The following PARG variants were observed in gnomAD, a reference collection of about 807,000 sequenced individuals.
PARG encodes poly(ADP-ribose) glycohydrolase.
PARG carries 35 observed loss-of-function variants against 113.0 expected under a neutral mutation model. That is an observed-to-expected ratio of 0.31 (90% CI 0.24 to 0.41). The LOEUF (loss-of-function observed/expected upper bound fraction) is 0.41. Ranked by LOEUF, PARG falls within the 10% of genes least tolerant of loss-of-function variation. The pLI, the probability that PARG is intolerant of heterozygous loss-of-function variation, is 1.00. For synonymous variants in PARG, 330 were observed against 409.9 expected, an observed-to-expected ratio of 0.81 and a Z score of 2.36; for missense variants, 797 against 1,169.4, an observed-to-expected ratio of 0.68 and a Z score of 4.64.
chr10:49,899,570 T>C (rs1399543911), intron 7 of PARG, among the ~76,000 whole-genome samples: 1 of 152,144 alleles, frequency 6.6e-6, no homozygotes, highest in Non-Finnish European at 1.5e-5. Flanking sequence ...TTTCAGGAAA[T>C]AGCCAGGTTA....
At chr10:49,926,353 G>A (rs373480796) in intron 4 of PARG, among the ~76,000 whole-genome samples, 164 of 151,068 alleles carry the variant, frequency 1.1e-3, no homozygotes, top group African/African-American at 3.2e-3. Flanking sequence ...AGAAGTAAAT[G>A]AGCCACCAGA....
intron 12 of PARG, among the ~76,000 whole-genome samples, chr10:49,859,775 A>G (rs1469742229): frequency 6.6e-6 from 1 of 152,246 alleles, no homozygotes; most frequent in Admixed American, 6.5e-5. Context: ...AGAAATAAAG[A>G]CACTAAACTC....
At chr10:49,890,719 A>G (rs2573522) in intron 7 of PARG, among the ~76,000 whole-genome samples, 1 of 152,326 alleles carries the variant, frequency 6.6e-6, no homozygotes, top group East Asian at 1.9e-4. Context: ...ACATCAAAAC[A>G]TTATAAATAT....
intron 3 of PARG, 33 bp downstream of exon 3, chr10:49,933,144 G>C (rs1486414208): frequency 1.4e-6 from 2 of 1,425,646 alleles, no homozygotes; most frequent in Admixed American, 3.9e-5. Context: ...AGCATATTAT[G>C]CTATTGGAGA....
chr10:49,896,489 T>C (rs1201655649), intron 7 of PARG, among the ~76,000 whole-genome samples: 11 of 152,224 alleles, frequency 7.2e-5, no homozygotes, highest in Admixed American at 5.2e-4. Context: ...TTTACTATGT[T>C]GGCCAGGCTG....
chr10:49,882,358 G>T (rs1847256722), intron 8 of PARG, among the ~76,000 whole-genome samples: 1 of 150,542 alleles, frequency 6.6e-6, no homozygotes, highest in African/African-American at 2.5e-5. Context: ...ACTTCAATGT[G>T]ATAAATTATT....
intron 4 of PARG, among the ~76,000 whole-genome samples, chr10:49,923,278 T>C (rs567794780): frequency 1.3e-5 from 2 of 152,298 alleles, no homozygotes; most frequent in Non-Finnish European, 2.9e-5. Context: ...ATGAAGTCTT[T>C]AGAAACTTCA....
At chr10:49,888,381 G>A (rs1412821196) in intron 7 of PARG, among the ~76,000 whole-genome samples, 17 of 151,700 alleles carry the variant, frequency 1.1e-4, no homozygotes, top group African/African-American at 3.6e-4. Context: ...TTCTGTTTCA[G>A]GAAATTTCTT....
chr10:49,900,674 G>T, intron 7 of PARG, among the ~76,000 whole-genome samples: 1 of 152,174 alleles, frequency 6.6e-6, no homozygotes, highest in Non-Finnish European at 1.5e-5. Context: ...TGCCTCCAAA[G>T]AATTTACTTC....
At chr10:49,823,061 G>A (rs1439375252) in intron 16 of PARG, among the ~76,000 whole-genome samples, 1 of 152,138 alleles carries the variant, frequency 6.6e-6, no homozygotes, top group Non-Finnish European at 1.5e-5. Flanking sequence ...TGAGAATATA[G>A]ATGAAAGAGT....
chr10:49,880,411 A>G (rs1847158162), intron 8 of PARG, among the ~76,000 whole-genome samples: 1 of 152,096 alleles, frequency 6.6e-6, no homozygotes, highest in Admixed American at 6.6e-5. Context: ...TTGTAAAAAG[A>G]TAAGACATTT....
intron 7 of PARG, among the ~76,000 whole-genome samples, chr10:49,913,149 G>A (rs1837291433): frequency 1.3e-5 from 2 of 152,156 alleles, no homozygotes; most frequent in South Asian, 2.1e-4. Flanking sequence ...CTGCAAGCGT[G>A]GGCAATGTTG....
intron 6 of PARG, among the ~76,000 whole-genome samples, chr10:49,920,587 CAT>C (rs1837801917): frequency 7.3e-6 from 1 of 136,476 alleles, no homozygotes; most frequent in African/African-American, 2.8e-5. Flanking sequence ...TATATATACA[CAT>C]ATATACATAT....
At position 49,933,500 on chromosome 10, in the gene PARG, T is replaced by C; in HGVS notation, c.948A>G (p.Ser316=). The part of the protein sequence containing the change: ...VDNSKNSCQD[S]EADEETSPGF... ...CTGGACTTGTCTCCTCATCTGCTTCTGAGTCTTGACAACTATTTTTAGAAT... is the reference window on the plus strand; with the variant it reads ...CTGGACTTGTCTCCTCATCTGCTTCCGAGTCTTGACAACTATTTTTAGAAT... Residue 316 remains serine (S), a synonymous_variant, in exon 3 of 18, where the codon TCA becomes TCG. Transcript: ENST00000616448. 1 of 1,610,420 alleles carries C rather than the reference T, an allele frequency of 6.2e-7. No individual in the cohort carries two copies. Among genetic ancestry groups the C allele is most frequent in the East Asian group, 2.2e-5 (1 of 44,868 alleles).
intron 4 of PARG, among the ~76,000 whole-genome samples, chr10:49,927,946 G>A (rs1343833456): frequency 4.7e-5 from 7 of 150,164 alleles, no homozygotes; most frequent in South Asian, 2.1e-4. Flanking sequence ...CCTGGGTGAC[G>A]GAGTGAGATC....
Position 49,933,768 on chromosome 10 carries a change from T to C in PARG, c.680A>G (p.Gln227Arg). ...CTGGTGGCTTTTGGCTTCTCTGGCC[T>C]GTTCATCTTCTGTAGTCTGCTTTGC... The part of the protein sequence containing the change: ...ANAKQTTEDE[Q>R]AREAKSHQKC... The change falls in exon 3 of 18, where the codon CAG (glutamine) becomes CGG (arginine). Residue 227 changes from glutamine to arginine, a missense_variant. Transcript: ENST00000616448. 1.9e-6 allele frequency: 3 copies of C among 1,613,576 alleles called. No individual in the cohort carries two copies. Among genetic ancestry groups the C allele is most frequent in the Non-Finnish European group, 2.5e-6 (3 of 1,179,492 alleles).
chr10:49,840,071 A>T (rs1240096027), intron 15 of PARG, among the ~76,000 whole-genome samples: 1 of 152,220 alleles, frequency 6.6e-6, no homozygotes, highest in African/African-American at 2.4e-5. Context: ...GCTTACATTT[A>T]AAATGTATCC....
chr10:49,917,563 A>C (rs1340491537), intron 6 of PARG, among the ~76,000 whole-genome samples: 1 of 151,732 alleles, frequency 6.6e-6, no homozygotes, highest in African/African-American at 2.4e-5. Flanking sequence ...TCACACCTGT[A>C]ATCATAGCAC....
At chr10:49,893,968 G>A (rs571393432) in intron 7 of PARG, among the ~76,000 whole-genome samples, 162 of 152,228 alleles carry the variant, frequency 1.1e-3, no homozygotes, top group African/African-American at 3.4e-3. Context: ...AAAGTGCTGG[G>A]ATTACAAGTG....
Sources: allele counts gnomAD v4.1 joint callset (sites outside exome capture counted in the v4.1 genomes callset), GRCh38; gene constraint gnomAD v4.1.1; transcripts MANE v1.5; gene names NCBI Gene and HGNC (gene_info 2026-07-23, HGNC 2026-07-21).